The following ARL15 variants were observed in gnomAD, a reference collection of about 807,000 sequenced individuals.
ARL15 encodes the protein ARF like GTPase 15, also known as ADP-ribosylation factor-like protein 15.
ARL15 carries 19 observed loss-of-function variants against 25.2 expected under a neutral mutation model. The ratio of observed to expected loss-of-function variants is 0.75; its 90% CI spans 0.53 to 1.10. The LOEUF (loss-of-function observed/expected upper bound fraction) is 1.10, where lower values mean the gene tolerates loss of function less well. Ranked by LOEUF, ARL15 falls within the 50% of genes least tolerant of loss-of-function variation. The pLI is 0.00. For synonymous variants in ARL15, 94 were observed against 86.8 expected (o/e 1.08, Z -0.46); for missense variants, 220 against 246.0 (o/e 0.89, Z 0.71).
At chr5:54,194,722 A>G (rs1390028423) in intron 1 of ARL15, among the ~76,000 whole-genome samples, 2 of 152,178 alleles carry the variant, frequency 1.3e-5, no homozygotes, top group African/African-American at 4.8e-5. Flanking sequence ...ATGACCTCAC[A>G]GGGTTTTGAC....
intron 1 of ARL15, among the ~76,000 whole-genome samples, chr5:54,239,949 C>A (rs923600832): frequency 2.6e-5 from 4 of 152,224 alleles, no homozygotes; most frequent in East Asian, 1.9e-4. Flanking sequence ...CATCATCGGC[C>A]GGGCGCGGTG....
chr5:54,029,372 C>CACCACCACT (rs1749900536), intron 4 of ARL15, among the ~76,000 whole-genome samples: 1 of 138,608 alleles, frequency 7.2e-6, no homozygotes, highest in African/African-American at 2.8e-5. Flanking sequence ...CCACCACCAC[C>CACCACCACT]ACCACTACAC....
In ARL15 at chr5:54,033,123, G is replaced by A. The variant is rs187524180; in HGVS notation, c.462+80079C>T. The stretch of plus-strand genomic sequence containing the variant: ...CGGGTGGATCACCTGAGGTCAGCCT[G>A]ACTAACATGGTGAAACCCTGTCTCT... On this transcript the variant is annotated intron_variant, in intron 4 of 4. Transcript: ENST00000504924. 2.8e-3 allele frequency among the ~76,000 whole-genome samples: 414 copies of A among 149,912 alleles called. 2 individuals are homozygous for A. The highest frequency in any genetic ancestry group is 0.015 in the Middle Eastern group (4 of 274).
At chr5:53,959,984 T>C (rs1008246876) in intron 4 of ARL15, among the ~76,000 whole-genome samples, 1 of 152,074 alleles carries the variant, frequency 6.6e-6, no homozygotes, top group African/African-American at 2.4e-5. Context: ...TGACATATAG[T>C]AGATGCTTGG....
At chr5:53,994,398 C>G (rs1748602530) in intron 4 of ARL15, among the ~76,000 whole-genome samples, 1 of 152,090 alleles carries the variant, frequency 6.6e-6, no homozygotes, top group Admixed American at 6.5e-5. Flanking sequence ...AGGGACAGAC[C>G]ACCCAAATGT....
At chr5:54,229,462 T>A (rs1204344722) in intron 1 of ARL15, among the ~76,000 whole-genome samples, 1 of 151,990 alleles carries the variant, frequency 6.6e-6, no homozygotes, top group African/African-American at 2.4e-5. Flanking sequence ...CAAATCAGAA[T>A]TTGCTGTAGT....
intron 4 of ARL15, among the ~76,000 whole-genome samples, chr5:54,003,439 G>C (rs140111577): frequency 2.6e-3 from 396 of 152,290 alleles, no homozygotes; most frequent in African/African-American, 9.1e-3. Flanking sequence ...TTTATAGATA[G>C]GAGTTATGAA....
rs551584942 is a variant in ARL15, at chr5:54,180,994, G to A, written c.49-9066C>T. Among the ~76,000 whole-genome samples the A allele has an allele frequency of 1.0e-3, 158 of 152,200 alleles. 1 individual carries two copies. The highest frequency in any genetic ancestry group is 3.7e-3 in the African/African-American group (152 of 41,530). On this transcript the variant is annotated intron_variant, in intron 1 of 4. Transcript: ENST00000504924. Reference sequence around the variant, plus strand: ...CTCCCAGTCTGCATCAGTCATCCCCGATCAGTGGCTTTCAAGAGTCTCGGT... The same window carrying A: ...CTCCCAGTCTGCATCAGTCATCCCCAATCAGTGGCTTTCAAGAGTCTCGGT...
chr5:53,980,670 AAC>A (rs1167824902), intron 4 of ARL15, among the ~76,000 whole-genome samples: 2 of 152,238 alleles, frequency 1.3e-5, no homozygotes, highest in Non-Finnish European at 2.9e-5. Flanking sequence ...TTATTCAAAA[AAC>A]CCTCAGATTT....
intron 4 of ARL15, among the ~76,000 whole-genome samples, chr5:54,035,682 C>T (rs1220973967): frequency 6.6e-6 from 1 of 152,142 alleles, no homozygotes; most frequent in Non-Finnish European, 1.5e-5. Flanking sequence ...ATAAAGCCCA[C>T]TTTTAAATAT....
At chr5:54,186,810 G>C (rs535398872) in intron 1 of ARL15, among the ~76,000 whole-genome samples, 1 of 151,270 alleles carries the variant, frequency 6.6e-6, no homozygotes, top group South Asian at 2.1e-4. Flanking sequence ...TATTAGAGAG[G>C]CTCCATGGGC....
chr5:53,914,170 A>G (rs1490006832), intron 4 of ARL15, among the ~76,000 whole-genome samples: 1 of 131,896 alleles, frequency 7.6e-6, no homozygotes, highest in Non-Finnish European at 1.7e-5. Context: ...CACACACTTT[A>G]TAGTTCTGTA....
intron 1 of ARL15, among the ~76,000 whole-genome samples, chr5:54,180,372 G>A (rs1232519213): frequency 1.3e-5 from 2 of 152,140 alleles, no homozygotes; most frequent in Non-Finnish European, 2.9e-5. Flanking sequence ...ATGTCTTAGG[G>A]TGACTAGTGG....
chr5:54,270,875 G>C (rs1001501758), intron 1 of ARL15, among the ~76,000 whole-genome samples: 5 of 152,236 alleles, frequency 3.3e-5, no homozygotes. Flanking sequence ...AGTCTGAGCG[G>C]ACTAGGTGGG....
intron 3 of ARL15, among the ~76,000 whole-genome samples, chr5:54,146,502 T>C (rs1231799827): frequency 6.6e-6 from 1 of 152,222 alleles, no homozygotes; most frequent in Non-Finnish European, 1.5e-5. Context: ...ACTGGTCTCT[T>C]GACTTCCAGT....
In ARL15 at chr5:54,092,958, G is replaced by A. The variant is rs533715267; in HGVS notation, c.462+20244C>T. 3.3e-5 allele frequency among the ~76,000 whole-genome samples: 5 copies of A among 152,230 alleles called. No homozygotes were observed. The South Asian group carries it at 1.0e-3, about 32-fold the overall frequency. On this transcript the variant is annotated intron_variant, in intron 4 of 4. Transcript: ENST00000504924. Reference sequence around the variant, plus strand: ...AAGTCTCTGTGCTTAGAAGAAGGTGGCATTCATACATTTCTGGGGTGTCTT... The same window carrying A: ...AAGTCTCTGTGCTTAGAAGAAGGTGACATTCATACATTTCTGGGGTGTCTT...
intron 2 of ARL15, among the ~76,000 whole-genome samples, chr5:54,155,307 G>A (rs1463810342): frequency 6.6e-6 from 1 of 152,090 alleles, no homozygotes; most frequent in Non-Finnish European, 1.5e-5. Flanking sequence ...TTAAATCTAT[G>A]AGGACCTCTG....
chr5:54,239,231 ATTTTTTT>A (rs57640006), intron 1 of ARL15, among the ~76,000 whole-genome samples: 1 of 148,712 alleles, frequency 6.7e-6, no homozygotes, highest in African/African-American at 2.5e-5. Context: ...TATGAATGCC[ATTTTTTT>A]TTTTTTTGGA....
intron 1 of ARL15, among the ~76,000 whole-genome samples, chr5:54,259,147 G>T (rs945797227): frequency 2.0e-5 from 3 of 151,998 alleles, no homozygotes; most frequent in Admixed American, 6.6e-5. Flanking sequence ...TATTCATCAG[G>T]CCTCTAAACA....
Sources: gnomAD v4.1 joint callset for allele counts (sites outside exome capture counted in the v4.1 genomes callset) on GRCh38, gnomAD v4.1.1 for gene constraint, MANE v1.5 for transcripts, NCBI Gene and HGNC (gene_info 2026-07-23, HGNC 2026-07-21) for gene names.